The following LAMA3 variants were observed in gnomAD, a reference collection of about 807,000 sequenced individuals.
LAMA3 encodes the protein laminin subunit alpha 3.
A neutral mutation model predicts 402.0 loss-of-function variants in LAMA3; 281 were observed. The observed-to-expected ratio is 0.70, with a 90% CI of 0.63 to 0.77. The LOEUF is 0.77. LAMA3 is among the 30% of genes least tolerant of loss of function. LAMA3 has a pLI of 0.00. For synonymous variants in LAMA3, 1,431 were observed against 1,558.4 expected (o/e 0.92, Z 1.93); for missense variants, 3,840 against 4,215.5 (o/e 0.91, Z 2.47).
At position 23,915,347 on chromosome 18, in the gene LAMA3, A is replaced by G. The variant is rs201625873; in HGVS notation, c.7703A>G (p.Asn2568Ser). ...YKGCIELDDL[N>S]ENVLSLYNFK... The stretch of plus-strand genomic sequence containing the variant: ...GGTTGTATTGAATTAGATGACCTCA[A>G]TGAAAATGTTCTGAGCTTGTACAAC... Residue 2568 changes from asparagine (N) to serine (S), a missense_variant, in exon 59 of 75, where the codon AAT (asparagine) becomes AGT (serine). Transcript: ENST00000313654. 2.1e-5 allele frequency: 34 copies of G among 1,613,280 alleles called. No individual in the cohort carries two copies. Among genetic ancestry groups the G allele is most frequent in the Admixed American group, 5.0e-5 (3 of 60,014 alleles).
chr18:23,715,962 G>A (rs1356298057), intron 2 of LAMA3, among the ~76,000 whole-genome samples: 2 of 152,150 alleles, frequency 1.3e-5, no homozygotes, highest in Non-Finnish European at 2.9e-5. Flanking sequence ...TAGTCCATGT[G>A]TTGTGCTAAA....
At chr18:23,748,420 CAAAA>C (rs749355061) in intron 3 of LAMA3, among the ~76,000 whole-genome samples, 7 of 88,298 alleles carry the variant, frequency 7.9e-5, no homozygotes, top group Admixed American at 1.1e-4. Flanking sequence ...GACTCTGTCT[CAAAA>C]AAAAAAAAAA....
chr18:23,885,586 A>C (rs2065048499), intron 41 of LAMA3, among the ~76,000 whole-genome samples: 1 of 152,100 alleles, frequency 6.6e-6, no homozygotes, highest in Non-Finnish European at 1.5e-5. Context: ...ATTAGCCACT[A>C]TGCATAGGAC....
At chr18:23,781,129 A>G (rs2062428563) in intron 11 of LAMA3, 1 of 301,804 alleles carries the variant, frequency 3.3e-6, no homozygotes, top group Non-Finnish European at 6.8e-6. Context: ...GAATTCTTTG[A>G]GCCTCAATGC....
chr18:23,913,983 A>AGAT (rs1191173585), intron 56 of LAMA3, among the ~76,000 whole-genome samples: 2 of 152,228 alleles, frequency 1.3e-5, no homozygotes. Flanking sequence ...CAGGGAAGAA[A>AGAT]GATGCATATA....
At chr18:23,949,059 A>G (rs1272465902) in intron 70 of LAMA3, among the ~76,000 whole-genome samples, 2 of 152,144 alleles carry the variant, frequency 1.3e-5, no homozygotes, top group African/African-American at 4.8e-5. Context: ...CCTGGTGTAT[A>G]ATATAGGAGA....
chr18:23,702,947 G>C (rs908499497), intron 1 of LAMA3, among the ~76,000 whole-genome samples: 1 of 152,160 alleles, frequency 6.6e-6, no homozygotes, highest in Non-Finnish European at 1.5e-5. Flanking sequence ...TTGTAGATTT[G>C]TCATGGAAAT....
chr18:23,894,383 G>A (rs1310835400), intron 43 of LAMA3, 35 bp downstream of exon 43: 1 of 1,578,370 alleles, frequency 6.3e-7, no homozygotes, highest in East Asian at 2.2e-5. Flanking sequence ...TCCTTTCCAA[G>A]TTGTGGGGTT....
chr18:23,809,467 T>A (rs2063024543), intron 12 of LAMA3, among the ~76,000 whole-genome samples: 1 of 152,230 alleles, frequency 6.6e-6, no homozygotes, highest in Non-Finnish European at 1.5e-5. Flanking sequence ...GATGTAGAAC[T>A]CTTCAGCCGG....
In LAMA3 at chr18:23,921,032, T is replaced by C; in HGVS notation, c.8021T>C (p.Ile2674Thr). The C allele has an allele frequency of 6.2e-7, 1 of 1,614,116 alleles. No homozygotes were observed. The highest frequency in any genetic ancestry group is 8.5e-7 in the Non-Finnish European group (1 of 1,180,010). Residue 2674 changes from isoleucine (I) to threonine (T), a missense_variant, in exon 61 of 75, where the codon ATA becomes ACA. This residue lies in a region of LAMA3 where 840 missense variants were observed against 981.9 expected (regional missense o/e 0.86). Coordinates refer to ENST00000313654, the MANE Select transcript of LAMA3 (RefSeq NM_198129.4). ...LPKERGVGDA[I>T]NNGRDHSIQI... ...AAAGAGAGAGGAGTTGGAGACGCCA[T>C]AAACAACGGCAGAGACCATTCGGTA...
intron 52 of LAMA3, among the ~76,000 whole-genome samples, chr18:23,906,061 G>A (rs2145168210): frequency 6.6e-6 from 1 of 152,076 alleles, no homozygotes; most frequent in South Asian, 2.1e-4. Context: ...CACCATGCCG[G>A]GCCCAGATAA....
At chr18:23,843,126 G>T (rs531401651) in intron 29 of LAMA3, among the ~76,000 whole-genome samples, 1 of 152,036 alleles carries the variant, frequency 6.6e-6, no homozygotes, top group African/African-American at 2.4e-5. Flanking sequence ...GTCACTGTGT[G>T]TTGGCGTTCC....
In LAMA3 at chr18:23,914,727, C is replaced by T; in HGVS notation, c.7511C>T (p.Thr2504Ile). The change falls in exon 58 of 75, where the codon ACC (threonine) becomes ATC (isoleucine). Residue 2504 changes from threonine to isoleucine, a missense_variant. Transcript: ENST00000313654. Reference protein sequence around the residue: ...RIYQFARLNYTKGATSSKPET... With the variant: ...RIYQFARLNYIKGATSSKPET... ...TATCAGTTTGCAAGGCTTAATTACA[C>T]CAAAGGAGCCACATCCAGTAAACCA... 6.2e-7 allele frequency: 1 copy of T among 1,613,668 alleles called. No homozygotes were observed. The highest frequency in any genetic ancestry group is 1.3e-5 in the African/African-American group (1 of 74,982).
chr18:23,897,132 G>T (rs370749971), intron 44 of LAMA3, among the ~76,000 whole-genome samples: 11 of 152,126 alleles, frequency 7.2e-5, no homozygotes, highest in African/African-American at 2.7e-4. Context: ...GATAGGAAAA[G>T]ACCCAATTGA....
At chr18:23,946,005 G>GA (rs1318484282) in intron 69 of LAMA3, 139 bp from the exon 70 acceptor site, 28 of 833,594 alleles carry the variant, frequency 3.4e-5, no homozygotes, top group South Asian at 1.0e-4. Flanking sequence ...ATAACCGGAG[G>GA]AAAAAATCTC....
At chr18:23,843,649 C>G (rs920439525) in intron 29 of LAMA3, among the ~76,000 whole-genome samples, 1 of 152,184 alleles carries the variant, frequency 6.6e-6, no homozygotes, top group African/African-American at 2.4e-5. Context: ...TTAGAGCATG[C>G]CCTGTGACCC....
intron 55 of LAMA3, 145 bp from the exon 56 acceptor site, chr18:23,912,566 C>G (rs1449985534): frequency 1.5e-5 from 11 of 716,298 alleles, no homozygotes; most frequent in African/African-American, 3.5e-5. Flanking sequence ...TGATCCAGGG[C>G]TTAGAGACAT....
chr18:23,856,273 T>C (rs1439294385), intron 32 of LAMA3, among the ~76,000 whole-genome samples: 3 of 152,196 alleles, frequency 2.0e-5, no homozygotes, highest in Non-Finnish European at 4.4e-5. Flanking sequence ...AGAAACTTAA[T>C]GGGATATGAA....
chr18:23,945,989 A>G (rs1228092049), intron 69 of LAMA3, among the ~76,000 whole-genome samples, 155 bp from the exon 70 acceptor site: 1 of 152,084 alleles, frequency 6.6e-6, no homozygotes, highest in African/African-American at 2.4e-5. Flanking sequence ...AACGATGGTG[A>G]TAGTGATAAC....
Sources: allele counts gnomAD v4.1 joint callset (sites outside exome capture counted in the v4.1 genomes callset), GRCh38; gene constraint gnomAD v4.1.1; regional missense constraint gnomAD v4.1.1; transcripts MANE v1.5; gene names NCBI Gene and HGNC (gene_info 2026-07-23, HGNC 2026-07-21).